The following RIMS1 variants were observed in gnomAD, a reference collection of about 807,000 sequenced individuals.
RIMS1 encodes regulating synaptic membrane exocytosis protein 1.
Under a neutral mutation model 214.1 loss-of-function variants are expected in RIMS1, and 83 were observed. That is an observed-to-expected ratio of 0.39 (90% CI 0.32 to 0.47). RIMS1 has a LOEUF of 0.47. Among genes scored for constraint, RIMS1 ranks in the 20% least tolerant of loss-of-function variants. RIMS1 has a pLI of 0.99. For synonymous variants in RIMS1, 793 were observed against 786.8 expected (o/e 1.01, Z -0.13); for missense variants, 2,050 against 2,161.8 (o/e 0.95, Z 1.03).
intron 2 of RIMS1, among the ~76,000 whole-genome samples, chr6:72,087,715 T>A (rs955291550): frequency 2.0e-5 from 3 of 152,338 alleles, no homozygotes; most frequent in Non-Finnish European, 4.4e-5. Context: ...ATTCTTTTGA[T>A]TGTGCTTTGT....
chr6:72,235,319 A>G (rs1271638212), intron 7 of RIMS1, among the ~76,000 whole-genome samples: 1 of 152,016 alleles, frequency 6.6e-6, no homozygotes, highest in Non-Finnish European at 1.5e-5. Flanking sequence ...CTGTAATTGT[A>G]TATTCTTTAA....
intron 1 of RIMS1, among the ~76,000 whole-genome samples, chr6:71,907,629 T>A (rs1490838221): frequency 6.6e-6 from 1 of 152,120 alleles, no homozygotes. Context: ...TTTGCTGAGA[T>A]CAAAGGTGTA....
At chr6:72,278,152 A>ATCTATCTATCT (rs1554419029) in intron 23 of RIMS1, among the ~76,000 whole-genome samples, 105 of 128,350 alleles carry the variant, frequency 8.2e-4, no homozygotes, top group South Asian at 1.6e-3. Context: ...AATGGTTTTT[A>ATCTATCTATCT]ATCTATCTAT....
intron 4 of RIMS1, among the ~76,000 whole-genome samples, chr6:72,101,597 T>C (rs1017197532): frequency 6.6e-6 from 1 of 151,824 alleles, no homozygotes; most frequent in Non-Finnish European, 1.5e-5. Context: ...TTGGTATGGG[T>C]GGAAAGGGAA....
At position 72,398,361 on chromosome 6, in the gene RIMS1, G is replaced by A. The variant is rs754812832; in HGVS notation, c.4720+11G>A. 2 of 1,548,130 alleles carry A rather than the reference G, an allele frequency of 1.3e-6. No homozygotes were observed. Among genetic ancestry groups the A allele is most frequent in the Non-Finnish European group, 1.8e-6 (2 of 1,133,610 alleles). On this transcript the variant is annotated intron_variant, in intron 32 of 33. Transcript: ENST00000521978. ...CCAAATCTACACCTGGTAAGGAGAA[G>A]TATTCCTGAATTTGGTGAAGGGACT...
chr6:71,913,294 G>A (rs1377643756), intron 1 of RIMS1, among the ~76,000 whole-genome samples: 1 of 152,094 alleles, frequency 6.6e-6, no homozygotes, highest in Non-Finnish European at 1.5e-5. Context: ...TCAATCCATA[G>A]ACAAATAGAT....
At chr6:72,124,767 A>C (rs1018807323) in intron 4 of RIMS1, among the ~76,000 whole-genome samples, 11 of 151,970 alleles carry the variant, frequency 7.2e-5, no homozygotes, top group Non-Finnish European at 1.6e-4. Context: ...ACTTGATCCA[A>C]TCGGCTACTG....
intron 1 of RIMS1, among the ~76,000 whole-genome samples, chr6:71,933,218 G>A (rs1360716760): frequency 6.6e-6 from 1 of 152,162 alleles, no homozygotes; most frequent in Admixed American, 6.5e-5. Context: ...GGCTATGTCT[G>A]TTGTGAAACC....
At chr6:72,124,164 C>T (rs1185999458) in intron 4 of RIMS1, among the ~76,000 whole-genome samples, 1 of 151,802 alleles carries the variant, frequency 6.6e-6, no homozygotes, top group Non-Finnish European at 1.5e-5. Flanking sequence ...TTAGGGCAGG[C>T]CTGGTGGTGA....
chr6:72,271,012 A>T (rs958639627), intron 22 of RIMS1, among the ~76,000 whole-genome samples: 1 of 152,132 alleles, frequency 6.6e-6, no homozygotes, highest in African/African-American at 2.4e-5. Context: ...TCATGCCTGT[A>T]ATCCCAGCAC....
At chr6:72,338,506 A>G (rs2096926436) in intron 29 of RIMS1, among the ~76,000 whole-genome samples, 1 of 152,130 alleles carries the variant, frequency 6.6e-6, no homozygotes, top group South Asian at 2.1e-4. Flanking sequence ...GCACAGCAAA[A>G]GAAACCACCA....
At chr6:72,294,531 C>G (rs2093839785) in intron 26 of RIMS1, among the ~76,000 whole-genome samples, 1 of 151,720 alleles carries the variant, frequency 6.6e-6, no homozygotes, top group Non-Finnish European at 1.5e-5. Flanking sequence ...GATACTGATA[C>G]ACCTTCTTGA....
chr6:72,300,876 G>A (rs1351768923), intron 26 of RIMS1, among the ~76,000 whole-genome samples: 1 of 151,684 alleles, frequency 6.6e-6, no homozygotes, highest in East Asian at 1.9e-4. Flanking sequence ...TGCTAAAACA[G>A]GAGATGGTCT....
At position 72,209,081 on chromosome 6, in the gene RIMS1, T is replaced by C. The variant is rs192045536; in HGVS notation, c.1679-24692T>C. On this transcript the variant is annotated intron_variant, in intron 6 of 33. Transcript: ENST00000521978. ...CACACTGTAAAACAAAGAATAGAATTCATTGGATACTCATATTCATTTATA... is the reference window on the plus strand; with the variant it reads ...CACACTGTAAAACAAAGAATAGAATCCATTGGATACTCATATTCATTTATA... Among the ~76,000 whole-genome samples the C allele has an allele frequency of 2.3e-3, 346 of 152,292 alleles. 2 individuals carry two copies. The highest frequency in any genetic ancestry group is 7.9e-3 in the African/African-American group (330 of 41,554).
At chr6:72,214,697 C>T (rs2054991367) in intron 6 of RIMS1, among the ~76,000 whole-genome samples, 1 of 152,018 alleles carries the variant, frequency 6.6e-6, no homozygotes, top group African/African-American at 2.4e-5. Context: ...TTGACTTGAG[C>T]CTACATAGGC....
At chr6:72,151,573 A>C (rs1969530) in intron 4 of RIMS1, among the ~76,000 whole-genome samples, 93,539 of 152,020 alleles carry the variant, frequency 0.62, 29,428 homozygotes, top group East Asian at 0.84. Context: ...TGTTGTCAAT[A>C]AGTTCTTCCT....
chr6:72,243,333 A>G (rs1483734714), intron 10 of RIMS1, among the ~76,000 whole-genome samples: 1 of 151,748 alleles, frequency 6.6e-6, no homozygotes. Flanking sequence ...TTCTCAAAGA[A>G]TGAAAATGTA....
intron 7 of RIMS1, 91 bp from the exon 8 acceptor site, chr6:72,235,527 T>A: frequency 1.3e-6 from 1 of 791,632 alleles, no homozygotes; most frequent in East Asian, 2.7e-5. Flanking sequence ...TCTATCCATG[T>A]TACCTCTAAT....
At chr6:72,056,515 T>G (rs1241949987) in intron 2 of RIMS1, among the ~76,000 whole-genome samples, 1 of 152,232 alleles carries the variant, frequency 6.6e-6, no homozygotes, top group Non-Finnish European at 1.5e-5. Flanking sequence ...AAGTTGTTGC[T>G]CTGATTTTTC....
Sources: allele counts gnomAD v4.1 joint callset (sites outside exome capture counted in the v4.1 genomes callset), GRCh38; gene constraint gnomAD v4.1.1; transcripts MANE v1.5; gene names NCBI Gene and HGNC (gene_info 2026-07-23, HGNC 2026-07-21).